Variants in CDH12 observed in about 807,000 individuals in gnomAD.
CDH12 encodes the protein cadherin-12.
Under a neutral mutation model 74.1 loss-of-function variants are expected in CDH12, and 41 were observed. That is an observed-to-expected ratio of 0.55 (90% confidence interval 0.43 to 0.72). The LOEUF (loss-of-function observed/expected upper bound fraction) is 0.72. CDH12 is among the 30% of genes least tolerant of loss of function. The pLI is 0.00. For synonymous variants in CDH12, 399 were observed against 355.0 expected, an observed-to-expected ratio of 1.12 and a Z score of -1.39; for missense variants, 945 against 977.2, an observed-to-expected ratio of 0.97 and a Z score of 0.44.
intron 8 of CDH12, among the ~76,000 whole-genome samples, chr5:21,830,833 C>T (rs940720424): frequency 2.0e-5 from 3 of 151,862 alleles, no homozygotes; most frequent in Admixed American, 1.3e-4. Context: ...GTCAGGAGTT[C>T]AAGACCAGCC....
intron 1 of CDH12, among the ~76,000 whole-genome samples, chr5:22,761,580 A>G (rs1199583983): frequency 6.6e-6 from 1 of 152,164 alleles, no homozygotes; most frequent in African/African-American, 2.4e-5. Context: ...ACCAATCAGA[A>G]CAGGTTTTAC....
At chr5:22,537,595 G>A (rs532145400) in intron 1 of CDH12, among the ~76,000 whole-genome samples, 22 of 152,160 alleles carry the variant, frequency 1.4e-4, no homozygotes, top group South Asian at 4.1e-4. Context: ...CCCTCTGGCC[G>A]GAGAGATGTC....
intron 6 of CDH12, among the ~76,000 whole-genome samples, chr5:21,955,272 C>G (rs1024343134): frequency 6.8e-6 from 1 of 147,198 alleles, no homozygotes; most frequent in African/African-American, 2.5e-5. Flanking sequence ...AAATGTCAAG[C>G]TTTTTTTTTT....
intron 6 of CDH12, among the ~76,000 whole-genome samples, chr5:21,914,771 A>C (rs973033597): frequency 2.0e-5 from 3 of 152,250 alleles, no homozygotes; most frequent in Non-Finnish European, 4.4e-5. Flanking sequence ...GATGTTAACT[A>C]TATCTGTAAA....
rs10462223 is a variant in CDH12 at position 22,033,794 on chromosome 5, C to T, written c.231+44652G>A. ...AAAGTGGGACGAACCCTGTAAATTT[C>T]CCACACAGTATGAGAGCCCAGTCAT... On this transcript the variant is annotated intron_variant, in intron 5 of 14. Coordinates refer to ENST00000382254, the MANE Select transcript of CDH12 (RefSeq NM_004061.5). Among the ~76,000 whole-genome samples the T allele has an allele frequency of 1.8e-3, 267 of 152,228 alleles. 5 individuals carry two copies. In the East Asian group the frequency reaches 0.042, roughly 24 times the overall value.
intron 4 of CDH12, among the ~76,000 whole-genome samples, chr5:22,085,391 C>T (rs1028374741): frequency 2.0e-5 from 3 of 152,204 alleles, no homozygotes; most frequent in Non-Finnish European, 2.9e-5. Flanking sequence ...TGAAAGGGTT[C>T]TCTTTGTCAG....
chr5:22,460,402 A>C (rs778171718), intron 2 of CDH12, among the ~76,000 whole-genome samples: 1 of 152,206 alleles, frequency 6.6e-6, no homozygotes, highest in Non-Finnish European at 1.5e-5. Flanking sequence ...ACAAAGAAGC[A>C]GAAAAATAAA....
At chr5:22,575,960 GTGAT>G in intron 1 of CDH12, among the ~76,000 whole-genome samples, 1 of 151,928 alleles carries the variant, frequency 6.6e-6, no homozygotes, top group Non-Finnish European at 1.5e-5. Context: ...CTGGGCTCAA[GTGAT>G]CCTCCCACCT....
chr5:21,753,300 G>C (rs1744201440), intron 14 of CDH12, among the ~76,000 whole-genome samples: 1 of 152,170 alleles, frequency 6.6e-6, no homozygotes, highest in Non-Finnish European at 1.5e-5. Flanking sequence ...TGGAAGGAGA[G>C]AGGAGATCTA....
At chr5:22,418,173 G>A (rs1273595009) in intron 2 of CDH12, among the ~76,000 whole-genome samples, 1 of 152,098 alleles carries the variant, frequency 6.6e-6, no homozygotes, top group Non-Finnish European at 1.5e-5. Flanking sequence ...TCCCTTGTAA[G>A]TTATATTCCT....
At chr5:21,846,015 G>A (rs897915883) in intron 7 of CDH12, among the ~76,000 whole-genome samples, 4 of 152,104 alleles carry the variant, frequency 2.6e-5, no homozygotes, top group Non-Finnish European at 5.9e-5. Flanking sequence ...TGTTCAACAT[G>A]GAGGCTCTGT....
chr5:22,689,997 T>C (rs912375631), intron 1 of CDH12, among the ~76,000 whole-genome samples: 10 of 152,078 alleles, frequency 6.6e-5, no homozygotes, highest in African/African-American at 2.4e-4. Context: ...TTTCACCTGG[T>C]TTTCAAAGAT....
At chr5:22,725,354 G>C (rs1374237543) in intron 1 of CDH12, among the ~76,000 whole-genome samples, 1 of 151,866 alleles carries the variant, frequency 6.6e-6, no homozygotes, top group African/African-American at 2.4e-5. Context: ...GGGGGAAACA[G>C]AAAGTGCTGA....
intron 1 of CDH12, among the ~76,000 whole-genome samples, chr5:22,716,310 G>A (rs147412944): frequency 4.5e-4 from 68 of 152,174 alleles, no homozygotes; most frequent in Middle Eastern, 3.4e-3. Flanking sequence ...TACTGCATCT[G>A]GATATTTCCA....
At chr5:22,601,385 CA>C (rs1211041261) in intron 1 of CDH12, among the ~76,000 whole-genome samples, 1 of 128,040 alleles carries the variant, frequency 7.8e-6, no homozygotes, top group East Asian at 2.8e-4. Context: ...GAAGGAACAA[CA>C]GACACTGGGA....
At chr5:21,944,870 T>A (rs1399861643) in intron 6 of CDH12, among the ~76,000 whole-genome samples, 1 of 152,060 alleles carries the variant, frequency 6.6e-6, no homozygotes, top group Non-Finnish European at 1.5e-5. Context: ...ACCTAACCAG[T>A]CTACAAGAAG....
rs1258605958 is a variant in CDH12, at chr5:22,059,326, GTCTATCTATCA to G, written c.231+19109_231+19119del. Among the ~76,000 whole-genome samples, 9 of 139,010 alleles carry G rather than the reference GTCTATCTATCA, an allele frequency of 6.5e-5. 1 individual carries two copies. The highest frequency in any genetic ancestry group is 1.4e-4 in the African/African-American group (5 of 35,302). The allele number at this position is 139,010 out of a possible 152,430, so 91.2% of individuals were successfully genotyped here. ...TCTATCTATCATCTATCCATCTATCGTCTATCTATCATCTATCTATCTATCTATCTATCTAT... is the reference window on the plus strand; with the variant it reads ...TCTATCTATCATCTATCCATCTATCGTCTATCTATCTATCTATCTATCTAT... On this transcript the variant is annotated intron_variant, in intron 5 of 14. Coordinates refer to ENST00000382254, the MANE Select transcript of CDH12 (RefSeq NM_004061.5).
intron 1 of CDH12, among the ~76,000 whole-genome samples, chr5:22,777,384 A>T (rs1021680022): frequency 2.0e-5 from 3 of 152,038 alleles, no homozygotes; most frequent in Non-Finnish European, 2.9e-5. Context: ...GATAGACATA[A>T]TTTTTCTCAT....
chr5:22,821,404 G>A (rs1297804683), intron 1 of CDH12, among the ~76,000 whole-genome samples: 8 of 152,120 alleles, frequency 5.3e-5, no homozygotes. Context: ...GCAGGAGGAA[G>A]AAATAAAGGG....
Sources: allele counts gnomAD v4.1 joint callset (sites outside exome capture counted in the v4.1 genomes callset), GRCh38; gene constraint gnomAD v4.1.1; transcripts MANE v1.5; gene names NCBI Gene and HGNC (gene_info 2026-07-23, HGNC 2026-07-21).